The following ZNF717 variants were observed in gnomAD, a reference collection of about 807,000 sequenced individuals.
The protein encoded by ZNF717 is krueppel-like factor X17.
A neutral mutation model predicts 13.8 loss-of-function variants in ZNF717; 9 were observed. That is an observed-to-expected ratio of 0.65 (90% CI 0.39 to 1.14). The LOEUF (loss-of-function observed/expected upper bound fraction) is 1.14, where lower values mean the gene tolerates loss of function less well. Ranked by LOEUF, ZNF717 falls within the 50% of genes most tolerant of loss-of-function variation. The pLI is 0.01. For synonymous variants in ZNF717, 327 were observed against 364.1 expected (o/e 0.90, Z 1.16); for missense variants, 1,040 against 1,080.7 (o/e 0.96, Z 0.53).
intron 2 of ZNF717, among the ~76,000 whole-genome samples, chr3:75,782,789 C>A (rs1309785723): frequency 6.8e-6 from 1 of 146,926 alleles, no homozygotes; most frequent in East Asian, 2.0e-4. Context: ...CACAACACAC[C>A]GTGCTTTAGC....
chr3:75,708,579 C>T (rs542433509), downstream of ZNF717, among the ~76,000 whole-genome samples: 51 of 152,296 alleles, frequency 3.3e-4, no homozygotes, highest in Non-Finnish European at 5.6e-4. Flanking sequence ...TCCAAAGGAA[C>T]GCATCTCCTC....
chr3:75,761,727 C>T (rs1196745920), intron 2 of ZNF717, among the ~76,000 whole-genome samples: 1 of 152,192 alleles, frequency 6.6e-6, no homozygotes, highest in East Asian at 1.9e-4. Flanking sequence ...TAACAATGAA[C>T]AATCTGCAAA....
At chr3:75,735,818 T>A (rs1397071113), downstream of ZNF717, 4 of 45,132 alleles carry the variant, frequency 8.9e-5, no homozygotes. Flanking sequence ...ATGGTCTAAA[T>A]GCACCCAGAA....
downstream of ZNF717, among the ~76,000 whole-genome samples, chr3:75,733,908 T>C (rs1276769802): frequency 2.0e-5 from 3 of 148,676 alleles, no homozygotes; most frequent in Non-Finnish European, 4.4e-5. Context: ...CAGTGCCCTG[T>C]GAGATCTTCT....
chr3:75,783,366 T>C lies in ZNF717; in HGVS notation c.-2-2A>G, dbSNP rs1200735437. On this transcript the variant is annotated splice_acceptor_variant, in intron 1 of 4. Transcript: ENST00000652011. LOFTEE classifies it low-confidence loss of function (5UTR_SPLICE). The stretch of plus-strand genomic sequence containing the variant: ...AGCCAGAGAACACTGGAAACATAGC[T>C]GAGAGAGAAGGCAAATGACGTGAAT... 2 of 1,550,802 alleles carry C rather than the reference T, an allele frequency of 1.3e-6. No homozygotes were observed. Among genetic ancestry groups the C allele is most frequent in the East Asian group, 2.4e-5 (1 of 40,904 alleles).
rs1396577541 is a variant in ZNF717, at chr3:75,765,002, T to G, written c.57+18304A>C. Among the ~76,000 whole-genome samples the G allele has an allele frequency of 2.5e-4, 4 of 15,806 alleles. 1 individual carries two copies. The East Asian group carries it at 4.0e-3, about 16-fold the overall frequency. The allele number at this position is 15,806 out of a possible 152,430, so 10.4% of individuals were successfully genotyped here. ...GGATAAACAAAAGGATATATATATA[T>G]ATATATATATATATATATATATATA... On this transcript the variant is annotated intron_variant, in intron 2 of 4. Transcript: ENST00000652011.
chr3:75,775,124 G>A (rs559676278), intron 2 of ZNF717, among the ~76,000 whole-genome samples: 77 of 150,852 alleles, frequency 5.1e-4, no homozygotes, highest in African/African-American at 1.7e-3. Flanking sequence ...ACCACACCAG[G>A]CTAATTTTTT....
intron 4 of ZNF717, among the ~76,000 whole-genome samples, chr3:75,719,312 G>C (rs1938124492): frequency 6.6e-6 from 1 of 150,436 alleles, no homozygotes; most frequent in African/African-American, 2.4e-5. Context: ...TATTAAAACA[G>C]ATACTGTGGT....
chr3:75,784,105 G>A (rs1945004762), intron 1 of ZNF717, among the ~76,000 whole-genome samples: 1 of 152,128 alleles, frequency 6.6e-6, no homozygotes, highest in African/African-American at 2.4e-5. Flanking sequence ...GGAGACACAG[G>A]GCCTAGCCAA....
rs1389383463 is a variant in ZNF717 at position 75,722,644 on chromosome 3, G to A, written n.545-6103C>T. 1.8e-3 allele frequency among the ~76,000 whole-genome samples: 277 copies of A among 151,712 alleles called. 2 individuals are homozygous for A. Among genetic ancestry groups the A allele is most frequent in the African/African-American group, 6.4e-3 (265 of 41,336 alleles). ...AGCCTGGCCAACATGGTGAAACCCC[G>A]TCTCTACTAAAAATACAAAAATTAG... On this transcript the variant is annotated intron_variant and non_coding_transcript_variant, in intron 4 of 5. Transcript: ENST00000491507.
intron 6 of ZNF717, among the ~76,000 whole-genome samples, chr3:75,699,834 G>A (rs1937649879): frequency 6.6e-6 from 1 of 152,310 alleles, no homozygotes; most frequent in Non-Finnish European, 1.5e-5. Context: ...CAAATCAGTA[G>A]GATTTCTATA....
intron 4 of ZNF717, among the ~76,000 whole-genome samples, chr3:75,718,585 C>T (rs1938109403): frequency 6.6e-6 from 1 of 152,102 alleles, no homozygotes; most frequent in Non-Finnish European, 1.5e-5. Flanking sequence ...TTTTTTGGCA[C>T]CAGAAATGGG....
downstream of ZNF717, among the ~76,000 whole-genome samples, chr3:75,706,969 G>A (rs1306555664): frequency 1.3e-5 from 2 of 152,386 alleles, no homozygotes; most frequent in South Asian, 4.2e-4. Context: ...TTACTGGGGA[G>A]AGGTTTATTG....
chr3:75,766,942 T>C (rs1943516072), intron 2 of ZNF717, among the ~76,000 whole-genome samples: 1 of 152,266 alleles, frequency 6.6e-6, no homozygotes, highest in Admixed American at 6.5e-5. Flanking sequence ...ACAAACTTGT[T>C]ATAAAAATCA....
chr3:75,773,727 G>A (rs944501147), intron 2 of ZNF717, among the ~76,000 whole-genome samples: 2 of 152,130 alleles, frequency 1.3e-5, no homozygotes, highest in African/African-American at 4.8e-5. Context: ...ATGTGGTGAG[G>A]AGGGCGACAG....
chr3:75,738,773 C>A lies in ZNF717; in HGVS notation c.850G>T (p.Glu284Ter). ...GAGGGTTTCTCACATTCAACACATT[C>A]ATAGGGTTTCTCTCCTGTGTGTGTC... ...QQTHTGEKPY[E>*]CVECEKPSIS... The change falls in exon 5 of 5, where the codon GAA becomes TAA. Residue 284 changes from glutamate (E) to a stop codon, truncating the protein, a stop_gained. Transcript: ENST00000652011. LOFTEE classifies it low-confidence loss of function (END_TRUNC). The A allele has an allele frequency of 6.4e-7, 1 of 1,553,160 alleles. No individual in the cohort carries two copies. Among genetic ancestry groups the A allele is most frequent in the Non-Finnish European group, 8.7e-7 (1 of 1,147,976 alleles).
rs1178339120 is a variant in ZNF717 at position 75,737,837 on chromosome 3, A to G, written c.1786T>C (p.Cys596Arg). ...AGKKPYECNE[C>R]EKTFINKLNL... is the part of the protein sequence containing the mutation. ...AACTTATTGATAAAGGTTTTCTCAC[A>G]TTCATTACATTCATAGGGTTTTTTG... is the stretch of plus-strand genomic sequence containing the variant. The change falls in exon 5 of 5, where the codon TGT becomes CGT. Residue 596 changes from cysteine to arginine, a missense_variant. Around this residue, in one of 3 missense-constraint regions of ZNF717, gnomAD observed 873 missense variants for 832.8 expected, o/e 1.05. Coordinates refer to ENST00000652011, the MANE Select transcript of ZNF717 (RefSeq NM_001290208.3). 2 of 1,551,594 alleles carry G rather than the reference A, an allele frequency of 1.3e-6. No homozygotes were observed. The highest frequency in any genetic ancestry group is 2.4e-5 in the East Asian group (1 of 40,910).
chr3:75,717,337 A>G (rs1436640532), intron 4 of ZNF717, among the ~76,000 whole-genome samples: 5 of 152,254 alleles, frequency 3.3e-5, no homozygotes, highest in African/African-American at 4.8e-5. Flanking sequence ...TTTATTCAAG[A>G]AATCTCTGTG....
intron 6 of ZNF717, among the ~76,000 whole-genome samples, chr3:75,702,798 A>T (rs1377060798): frequency 2.6e-5 from 4 of 152,290 alleles, no homozygotes; most frequent in Admixed American, 6.5e-5. Context: ...AAGCAAAGGG[A>T]GGAGAGTATA....
Sources: allele counts gnomAD v4.1 joint callset (sites outside exome capture counted in the v4.1 genomes callset), GRCh38; gene constraint gnomAD v4.1.1; regional missense constraint gnomAD v4.1.1; transcripts MANE v1.5; gene names NCBI Gene and HGNC (gene_info 2026-07-23, HGNC 2026-07-21).